Variants in VSTM2A observed in about 807,000 individuals in gnomAD.
VSTM2A encodes V-set and transmembrane domain-containing protein 2A.
In VSTM2A, 13 loss-of-function variants were observed where a neutral mutation model predicts 27.3. The ratio of observed to expected loss-of-function variants is 0.48; its 90% confidence interval spans 0.31 to 0.76. VSTM2A has a LOEUF of 0.76. Among genes scored for constraint, VSTM2A ranks in the 30% least tolerant of loss-of-function variants. The pLI is 0.05. For missense variants in VSTM2A, 280 were observed against 310.0 expected (o/e 0.90, Z 0.73); for synonymous variants, 142 against 125.7 (o/e 1.13, Z -0.87).
chr7:54,545,499 G>A (rs1295036232), intron 2 of VSTM2A, among the ~76,000 whole-genome samples: 1 of 130,944 alleles, frequency 7.6e-6, no homozygotes, highest in African/African-American at 2.9e-5. Context: ...GAGAGGGAGT[G>A]AGGAGAGGGA....
At chr7:54,568,982 G>GCATT (rs780869227) in intron 4 of VSTM2A, 149 bp from the exon 5 acceptor site, 4 of 1,574,024 alleles carry the variant, frequency 2.5e-6, no homozygotes, top group African/African-American at 1.3e-5. Context: ...TTCAAGATGA[G>GCATT]CGAATATCTT....
intron 1 of VSTM2A, among the ~76,000 whole-genome samples, chr7:54,543,872 G>C (rs566472808): frequency 1.3e-5 from 2 of 152,302 alleles, no homozygotes; most frequent in African/African-American, 4.8e-5. Context: ...AGTTTCACCA[G>C]GGTTGCATGA....
intron 4 of VSTM2A, among the ~76,000 whole-genome samples, chr7:54,561,405 C>A (rs1788558757): frequency 6.6e-6 from 1 of 152,056 alleles, no homozygotes; most frequent in Admixed American, 6.5e-5. Context: ...TCCAGACTGC[C>A]TATGTAGCAA....
rs1466447923 is a variant in VSTM2A, at chr7:54,569,246, C to T, written c.*27C>T. On this transcript the variant is annotated 3_prime_UTR_variant, in exon 5 of 5. Coordinates refer to ENST00000402613, the MANE Select transcript of VSTM2A (RefSeq NM_001301009.2). ...TCACTACACAAGGAGCGCCTGCTTC[C>T]GGAAGCATAAATGAAGAGGCTATCA... 27 of 1,551,350 alleles carry T rather than the reference C, an allele frequency of 1.7e-5. No individual in the cohort carries two copies. Among genetic ancestry groups the T allele is most frequent in the South Asian group, 6.0e-5 (5 of 84,008 alleles).
At chr7:54,556,783 T>A (rs1788374477) in intron 4 of VSTM2A, among the ~76,000 whole-genome samples, 3 of 152,332 alleles carry the variant, frequency 2.0e-5, no homozygotes, top group South Asian at 4.1e-4. Context: ...AAACCATATT[T>A]AATTTTACTC....
At chr7:54,568,765 C>G (rs929668176) in intron 4 of VSTM2A, among the ~76,000 whole-genome samples, 3 of 152,090 alleles carry the variant, frequency 2.0e-5, no homozygotes, top group African/African-American at 7.2e-5. Flanking sequence ...CTGGATTTGC[C>G]CCTCTCAGTG....
In VSTM2A at chr7:54,542,439, C is replaced by T; in HGVS notation, c.-292C>T. 8.7e-6 allele frequency: 4 copies of T among 462,408 alleles called. No homozygotes were observed. Among genetic ancestry groups the T allele is most frequent in the Non-Finnish European group, 1.5e-5 (4 of 262,638 alleles). The allele number at this position is 462,408 out of a possible 1,614,324, so 28.6% of individuals were successfully genotyped here. On this transcript the variant is annotated 5_prime_UTR_variant, in exon 1 of 5. In the 5' UTR this introduces an upstream ATG that the reference lacks. Transcript: ENST00000402613. ...CACGCAAGCCGGAGCGGCGGGCTGA[C>T]GTTGGACGAGCTGCCAGGTAGCTGA...
At chr7:54,552,084 A>T (rs979723036) in intron 4 of VSTM2A, 1 of 152,210 alleles carries the variant, frequency 6.6e-6, no homozygotes, top group African/African-American at 2.4e-5. Context: ...ATTATCAAAT[A>T]AAAATTACTG....
At chr7:54,548,820 T>C (rs183149101) in intron 3 of VSTM2A, among the ~76,000 whole-genome samples, 1 of 152,038 alleles carries the variant, frequency 6.6e-6, no homozygotes, top group Non-Finnish European at 1.5e-5. Context: ...TCCTAGTAAT[T>C]TATGGCCGTT....
chr7:54,547,160 C>T (rs1016608251), intron 3 of VSTM2A, 163 bp downstream of exon 3: 1 of 653,656 alleles, frequency 1.5e-6, no homozygotes, highest in Non-Finnish European at 2.4e-6. Flanking sequence ...TTTAGAGTCC[C>T]TAAATAAAAT....
At chr7:54,553,675 A>G (rs1308920010) in intron 4 of VSTM2A, among the ~76,000 whole-genome samples, 1 of 152,130 alleles carries the variant, frequency 6.6e-6, no homozygotes, top group East Asian at 1.9e-4. Flanking sequence ...GCAAATATGG[A>G]GAAGAAAGAC....
intron 4 of VSTM2A, among the ~76,000 whole-genome samples, chr7:54,553,424 A>G (rs1788250621): frequency 6.6e-6 from 1 of 152,202 alleles, no homozygotes. Context: ...GTGTACCATG[A>G]CCACCTTAGA....
chr7:54,542,702 C>G lies in VSTM2A; in HGVS notation c.-29C>G. 6.2e-7 allele frequency: 1 copy of G among 1,609,040 alleles called. No individual in the cohort carries two copies. ...TTCAGGGCTTTTCGGCTGTTGGCTA[C>G]ACTGATGTGACCCCCCTCCCTTTTT... On this transcript the variant is annotated 5_prime_UTR_variant, in exon 1 of 5. Coordinates refer to ENST00000402613, the MANE Select transcript of VSTM2A (RefSeq NM_001301009.2).
intron 4 of VSTM2A, among the ~76,000 whole-genome samples, chr7:54,563,515 C>A (rs1457470847): frequency 6.6e-6 from 1 of 152,100 alleles, no homozygotes; most frequent in Non-Finnish European, 1.5e-5. Context: ...TGTGCAGTGT[C>A]CCCAGCAGGA....
chr7:54,561,610 T>G (rs1305932175), intron 4 of VSTM2A, among the ~76,000 whole-genome samples: 1 of 152,198 alleles, frequency 6.6e-6, no homozygotes, highest in Non-Finnish European at 1.5e-5. Context: ...TTTAAAAATC[T>G]TGCGTCAAAT....
At chr7:54,555,646 C>T (rs1011568760) in intron 4 of VSTM2A, among the ~76,000 whole-genome samples, 1 of 152,170 alleles carries the variant, frequency 6.6e-6, no homozygotes, top group Non-Finnish European at 1.5e-5. Flanking sequence ...GTCACACATT[C>T]TGGAAAACCT....
chr7:54,560,973 C>T (rs924892700), intron 4 of VSTM2A, among the ~76,000 whole-genome samples: 6 of 152,086 alleles, frequency 3.9e-5, no homozygotes, highest in African/African-American at 9.7e-5. Flanking sequence ...GGAGCCTGTT[C>T]GTCAGCCTTG....
intron 1 of VSTM2A, among the ~76,000 whole-genome samples, chr7:54,543,869 C>G (rs1787860627): frequency 6.6e-6 from 1 of 152,130 alleles, no homozygotes. Flanking sequence ...GTGAGTTTCA[C>G]CAGGGTTGCA....
intron 4 of VSTM2A, chr7:54,551,052 A>G (rs377228116): frequency 7.6e-4 from 115 of 152,192 alleles, no homozygotes; most frequent in African/African-American, 2.7e-3. Flanking sequence ...TACATTGCTA[A>G]TATTTAAGGT....
Sources: gnomAD v4.1 joint callset for allele counts (sites outside exome capture counted in the v4.1 genomes callset) on GRCh38, gnomAD v4.1.1 for gene constraint, MANE v1.5 for transcripts, NCBI Gene and HGNC (gene_info 2026-07-23, HGNC 2026-07-21) for gene names.